The following SCUBE1 variants were observed in gnomAD, a reference collection of about 807,000 sequenced individuals.
The protein encoded by SCUBE1 is signal peptide, CUB domain and EGF like domain containing 1, also known as signal peptide, CUB and EGF-like domain-containing protein 1.
SCUBE1 carries 59 observed loss-of-function variants against 124.4 expected under a neutral mutation model. The ratio of observed to expected loss-of-function variants is 0.47; its 90% CI spans 0.38 to 0.59. The LOEUF is 0.59. Among genes scored for constraint, SCUBE1 ranks in the 20% least tolerant of loss-of-function variants. The probability of loss-of-function intolerance (pLI) is 0.00; values close to 1 mark genes in which losing one functional copy is unlikely to be tolerated. For synonymous variants in SCUBE1, 545 were observed against 550.9 expected (o/e 0.99, Z 0.15); for missense variants, 1,150 against 1,371.2 (o/e 0.84, Z 2.55).
At position 43,244,698 on chromosome 22, in the gene SCUBE1, C is replaced by T. The variant is rs1051917195; in HGVS notation, c.728-5744G>A. ...GGGGGACTGTGGGCAAAGGACCCTC[C>T]CCTCCCTAGGCCCTGGGTTTCCCAC... On this transcript the variant is annotated intron_variant, in intron 6 of 21. Coordinates refer to ENST00000360835, the MANE Select transcript of SCUBE1 (RefSeq NM_173050.5). Among the ~76,000 whole-genome samples the T allele has an allele frequency of 2.0e-5, 3 of 152,340 alleles. No individual in the cohort carries two copies. In the South Asian group the frequency reaches 6.2e-4, roughly 32 times the overall value.
chr22:43,299,560 T>C (rs905195589), intron 3 of SCUBE1, among the ~76,000 whole-genome samples: 5 of 152,174 alleles, frequency 3.3e-5, no homozygotes, highest in African/African-American at 1.2e-4. Context: ...CATGGTCTGC[T>C]TGGAGGATGT....
chr22:43,209,980 GCAGCGAGA>G lies in SCUBE1; in HGVS notation c.2581+55_2581+62del, dbSNP rs144723959. 5.0e-3 allele frequency: 7,493 copies of G among 1,495,812 alleles called. 204 individuals are homozygous for G. In the African/African-American group the frequency reaches 0.072, roughly 14 times the overall value. 92.7% of individuals were successfully genotyped at this position (1,495,812 alleles called of 1,614,324 possible). A position where few individuals can be genotyped will look rare whatever the true frequency, so the allele number is the denominator to read the frequency against. On this transcript the variant is annotated intron_variant, in intron 19 of 21. Transcript: ENST00000360835. Reference sequence around the variant, plus strand: ...GGCAGCGATCCCGCCTGGCAGAACCGCAGCGAGACGGGGGTGCACACGCAGCTGAGGCT... The same window carrying G: ...GGCAGCGATCCCGCCTGGCAGAACCGCGGGGGTGCACACGCAGCTGAGGCT...
At position 43,255,778 on chromosome 22, in the gene SCUBE1, C is replaced by G. The variant is rs545587327; in HGVS notation, c.727+2441G>C. Among the ~76,000 whole-genome samples the G allele has an allele frequency of 1.3e-5, 2 of 150,758 alleles. No individual in the cohort carries two copies. Among genetic ancestry groups the G allele is most frequent in the Non-Finnish European group, 3.0e-5 (2 of 67,586 alleles). ...GGGCAAAGCAGAGAGGCAGCGAGGG[C>G]GGGGGCGGGGGGACGTGCAGGAAAG... On this transcript the variant is annotated intron_variant, in intron 6 of 21. Transcript: ENST00000360835. The surrounding 1 kb of genome is among the most constrained non-coding windows in gnomAD (Gnocchi z 4.7).
At chr22:43,241,743 C>T (rs1353907114) in intron 6 of SCUBE1, among the ~76,000 whole-genome samples, 1 of 152,228 alleles carries the variant, frequency 6.6e-6, no homozygotes, top group Non-Finnish European at 1.5e-5. Context: ...CAGTGTCCTC[C>T]TGCAACTGTC....
In SCUBE1 at chr22:43,341,936, A is replaced by T. The variant is rs143534980; in HGVS notation, c.88+1238T>A. Among the ~76,000 whole-genome samples the T allele has an allele frequency of 4.2e-3, 634 of 152,084 alleles. 5 individuals are homozygous for T. The highest frequency in any genetic ancestry group is 0.014 in the African/African-American group (577 of 41,486). ...GCCCAGGAACAGTCACTCAGAGGTG[A>T]GGGACCCCAAAGCTTGGGAGAGACA... On this transcript the variant is annotated intron_variant, in intron 1 of 21. Transcript: ENST00000360835.
At chr22:43,303,056 C>A (rs1220534688) in intron 3 of SCUBE1, among the ~76,000 whole-genome samples, 1 of 152,250 alleles carries the variant, frequency 6.6e-6, no homozygotes, top group African/African-American at 2.4e-5. Flanking sequence ...TTCATCCTGC[C>A]AGACTCCAGC....
intron 3 of SCUBE1, among the ~76,000 whole-genome samples, chr22:43,314,444 G>C (rs2146778197): frequency 6.6e-6 from 1 of 152,154 alleles, no homozygotes; most frequent in South Asian, 2.1e-4. Context: ...CCACACTTTG[G>C]GGGTCCCTGT....
intron 1 of SCUBE1, among the ~76,000 whole-genome samples, chr22:43,340,180 C>A (rs1927263486): frequency 6.6e-6 from 1 of 152,028 alleles, no homozygotes; most frequent in Middle Eastern, 3.4e-3. Context: ...CTTCCACGCC[C>A]CCACACCAAA....
intron 3 of SCUBE1, among the ~76,000 whole-genome samples, chr22:43,301,660 G>A (rs1202372374): frequency 2.0e-5 from 3 of 152,006 alleles, no homozygotes; most frequent in Admixed American, 6.6e-5. Context: ...TTCAGAGCAC[G>A]CCCCCACCCA....
In SCUBE1 at chr22:43,220,559, G is replaced by C. The variant is rs111740697; in HGVS notation, c.1578C>G (p.Leu526=). The C allele has an allele frequency of 4.1e-3, 6,556 of 1,614,016 alleles. 74 individuals carry two copies. The highest frequency in any genetic ancestry group is 0.034 in the African/African-American group (2,553 of 75,056). The change falls in exon 14 of 22, where the codon CTC becomes CTG. Residue 526 remains leucine, a synonymous_variant. Transcript: ENST00000360835. ...LDHCHVTFVT[L]KCDSSKKRRR... ...GCCTCTTCTTGGAGGAGTCACACTT[G>C]AGGGTCACGAAAGTCACATGGCAGT...
chr22:43,297,191 C>T (rs928400916), intron 3 of SCUBE1, among the ~76,000 whole-genome samples: 1 of 152,262 alleles, frequency 6.6e-6, no homozygotes, highest in Non-Finnish European at 1.5e-5. Flanking sequence ...CCTTGCCCGT[C>T]CATCTCCCTG....
At chr22:43,288,903 G>A (rs757796257) in intron 4 of SCUBE1, among the ~76,000 whole-genome samples, 3 of 152,188 alleles carry the variant, frequency 2.0e-5, no homozygotes, top group South Asian at 2.1e-4. Context: ...CTGCTCCCAC[G>A]TCATCCCCTC....
intron 2 of SCUBE1, among the ~76,000 whole-genome samples, chr22:43,321,067 G>A (rs1009033134): frequency 8.5e-5 from 13 of 152,228 alleles, no homozygotes; most frequent in East Asian, 1.9e-4. Context: ...GATGGGGAGA[G>A]AGGAGGGCCG....
intron 4 of SCUBE1, among the ~76,000 whole-genome samples, chr22:43,288,393 C>A (rs371140360): frequency 4.6e-5 from 7 of 152,208 alleles, no homozygotes; most frequent in African/African-American, 1.7e-4. Flanking sequence ...CTTCCTACCT[C>A]TGCTCAACCA....
intron 4 of SCUBE1, among the ~76,000 whole-genome samples, chr22:43,289,002 G>A (rs994310158): frequency 6.6e-6 from 1 of 152,256 alleles, no homozygotes; most frequent in African/African-American, 2.4e-5. Context: ...CAAACAGGCT[G>A]TGGCTGCGGG....
chr22:43,229,017 T>C, intron 9 of SCUBE1, 55 bp downstream of exon 9: 1 of 1,311,200 alleles, frequency 7.6e-7, no homozygotes, highest in Non-Finnish European at 1.1e-6. Flanking sequence ...TAGGTGGCCG[T>C]GCGGCCAGGC....
rs1922675130 is a variant in SCUBE1, at chr22:43,234,393, A to T, written c.845-2518T>A. Among the ~76,000 whole-genome samples, 1 of 152,202 alleles carries T rather than the reference A, an allele frequency of 6.6e-6. No homozygotes were observed. Among genetic ancestry groups the T allele is most frequent in the African/African-American group, 2.4e-5 (1 of 41,450 alleles). On this transcript the variant is annotated intron_variant, in intron 7 of 21. Transcript: ENST00000360835. The surrounding 1 kb of genome is among the most constrained non-coding windows in gnomAD (Gnocchi z 4.4). The stretch of plus-strand genomic sequence containing the variant: ...CTGAGGCTGCTAAGCAGACAGGGGC[A>T]GCACGTGATCATTCTCACCACTCCT...
intron 6 of SCUBE1, among the ~76,000 whole-genome samples, chr22:43,247,233 C>T (rs925056645): frequency 3.9e-5 from 6 of 152,198 alleles, no homozygotes; most frequent in African/African-American, 1.2e-4. Context: ...GGGCCAGGTG[C>T]AGCCTGTCCA....
rs1280044541 is a variant in SCUBE1, at chr22:43,198,406, G to A, written c.*5591C>T. 2.6e-6 allele frequency: 1 copy of A among 388,672 alleles called. No individual in the cohort carries two copies. Among genetic ancestry groups the A allele is most frequent in the Non-Finnish European group, 5.2e-6 (1 of 192,256 alleles). The allele number at this position is 388,672 out of a possible 1,614,324, so 24.1% of individuals were successfully genotyped here. A position where few individuals can be genotyped will look rare whatever the true frequency, so the allele number is the denominator to read the frequency against. On this transcript the variant is annotated 3_prime_UTR_variant, in exon 22 of 22. Coordinates refer to ENST00000360835, the MANE Select transcript of SCUBE1 (RefSeq NM_173050.5). ...CTTCAAGGATGCTTTGCCCACACCT[G>A]ATGTCCTTTCCAAGAGCAAGGCAGG...
Sources: allele counts gnomAD v4.1 joint callset (sites outside exome capture counted in the v4.1 genomes callset), GRCh38; gene constraint gnomAD v4.1.1; non-coding constraint Gnocchi (gnomAD v3.1); transcripts MANE v1.5; gene names NCBI Gene and HGNC (gene_info 2026-07-23, HGNC 2026-07-21).